The following MT1B variants were observed in gnomAD, a reference collection of about 807,000 sequenced individuals.
MT1B encodes metallothionein 1B, also known as metallothionein-1B.
Under a neutral mutation model 7.9 loss-of-function variants are expected in MT1B, and 4 were observed. That is an observed-to-expected ratio of 0.51 (90% CI 0.25 to 1.16). The LOEUF is 1.16. MT1B is among the 50% of genes most tolerant of loss of function. MT1B has a pLI of 0.15. For missense variants in MT1B, 76 were observed against 75.2 expected, an observed-to-expected ratio of 1.01 and a Z score of -0.04; for synonymous variants, 22 against 27.6, an observed-to-expected ratio of 0.80 and a Z score of 0.63.
At chr16:56,652,065 A>G in intron 1 of MT1B, 84 bp downstream of exon 1, 1 of 1,552,746 alleles carries the variant, frequency 6.4e-7, no homozygotes, top group Non-Finnish European at 8.9e-7. Context: ...AGGTTGCATT[A>G]TGAGATGTGA....
intron 2 of MT1B, among the ~76,000 whole-genome samples, 156 bp downstream of exon 2, chr16:56,652,792 G>A (rs1875233): frequency 0.46 from 70,115 of 152,078 alleles, 16,694 homozygotes; most frequent in Non-Finnish European, 0.53. Flanking sequence ...GAGCTCAGAT[G>A]GGTCAGGGCA....
Position 56,653,204 on chromosome 16 carries a change from A to G in MT1B, c.*139A>G. The G allele has an allele frequency of 1.4e-6, 1 of 735,080 alleles. No individual in the cohort carries two copies. The highest frequency in any genetic ancestry group is 2.2e-6 in the Non-Finnish European group (1 of 460,636). The allele number at this position is 735,080 out of a possible 1,614,324, so 45.5% of individuals were successfully genotyped here. On this transcript the variant is annotated 3_prime_UTR_variant, in exon 3 of 3. Transcript: ENST00000334346. Reference sequence around the variant, plus strand: ...AAGACAATAAAACACTTTTGACTTGATTCTGACTCTCCTTTTCCTTTCTGT... The same window carrying G: ...AAGACAATAAAACACTTTTGACTTGGTTCTGACTCTCCTTTTCCTTTCTGT...
chr16:56,652,768 A>G, intron 2 of MT1B, 132 bp downstream of exon 2: 1 of 1,283,298 alleles, frequency 7.8e-7, no homozygotes, highest in Non-Finnish European at 1.1e-6. Context: ...TTCCCTCTCC[A>G]GGCTTTCTGC....
intron 1 of MT1B, 113 bp from the exon 2 acceptor site, chr16:56,652,458 G>A (rs1427843768): frequency 2.0e-5 from 21 of 1,029,396 alleles, no homozygotes; most frequent in Non-Finnish European, 3.0e-5. Flanking sequence ...GAGTGGGAAA[G>A]GAGCTCTGAT....
In MT1B at chr16:56,652,632, G is replaced by A. The variant is rs1326291098; in HGVS notation, c.90G>A (p.Lys30=). ...AAGAGTGCAAATGTACCTCCTGCAA[G>A]AAGTGTGAGTGTGGGATCATCTCCA... ...KCKECKCTSC[K]KCCCSCCPVG... is the part of the protein sequence containing the mutation. The change falls in exon 2 of 3, where the codon AAG becomes AAA. Residue 30 remains lysine, a synonymous_variant. Coordinates refer to ENST00000334346, the MANE Select transcript of MT1B (RefSeq NM_005947.3). 3 of 1,613,904 alleles carry A rather than the reference G, an allele frequency of 1.9e-6. No individual in the cohort carries two copies. Among genetic ancestry groups the A allele is most frequent in the African/African-American group, 2.7e-5 (2 of 74,936 alleles).
chr16:56,652,492 C>T (rs1370102827), intron 1 of MT1B, 79 bp from the exon 2 acceptor site: 137 of 1,345,888 alleles, frequency 1.0e-4, no homozygotes, highest in East Asian at 7.0e-5. Flanking sequence ...CAGAGGATGG[C>T]GCACTGGACA....
intron 2 of MT1B, 72 bp downstream of exon 2, chr16:56,652,708 A>G: frequency 6.4e-7 from 1 of 1,569,754 alleles, no homozygotes; most frequent in South Asian, 1.1e-5. Context: ...GCTGGCCCTG[A>G]GTGCATGCTT....
In MT1B at chr16:56,653,077, C is replaced by A; in HGVS notation, c.*12C>A. ...GCTGCTGTGCCTGATGTTGGGAGAG[C>A]CCTGCTCCCAGACATAAATAGAGCA... On this transcript the variant is annotated 3_prime_UTR_variant, in exon 3 of 3. Transcript: ENST00000334346. 6.2e-7 allele frequency: 1 copy of A among 1,613,354 alleles called. No individual in the cohort carries two copies. The highest frequency in any genetic ancestry group is 8.5e-7 in the Non-Finnish European group (1 of 1,179,424).
chr16:56,652,131 G>A lies in MT1B; in HGVS notation c.28+150G>A, dbSNP rs112223139. 2,957 of 903,600 alleles carry A rather than the reference G, an allele frequency of 3.3e-3. 5 individuals carry two copies. Among genetic ancestry groups the A allele is most frequent in the Non-Finnish European group, 4.4e-3 (2,524 of 573,304 alleles). 56.0% of individuals were successfully genotyped at this position (903,600 alleles called of 1,614,324 possible). Reference sequence around the variant, plus strand: ...GCTTTCCTCTTGCCCAAGCTCCTGTGAGCATCTCCCTCCTCTGTGCTTGTA... The same window carrying A: ...GCTTTCCTCTTGCCCAAGCTCCTGTAAGCATCTCCCTCCTCTGTGCTTGTA... On this transcript the variant is annotated intron_variant, in intron 1 of 2. Transcript: ENST00000334346.
chr16:56,651,945 T>C lies in MT1B; in HGVS notation c.-9T>C. On this transcript the variant is annotated 5_prime_UTR_variant, in exon 1 of 3. Coordinates refer to ENST00000334346, the MANE Select transcript of MT1B (RefSeq NM_005947.3). ...TTGCCTAGGAACTCCAGGCTTGTCT[T>C]GGCTCCAAATGGATCCCAACTGCTC... 1 of 1,614,234 alleles carries C rather than the reference T, an allele frequency of 6.2e-7. No homozygotes were observed. The highest frequency in any genetic ancestry group is 8.5e-7 in the Non-Finnish European group (1 of 1,180,030).
chr16:56,652,443 G>A (rs140625648), intron 1 of MT1B, 128 bp from the exon 2 acceptor site: 5 of 927,770 alleles, frequency 5.4e-6, no homozygotes, highest in Non-Finnish European at 8.7e-6. Context: ...CTGTTCCTCC[G>A]CTCTGAGTGG....
In MT1B at chr16:56,653,163, T is replaced by C. The variant is rs1004868922; in HGVS notation, c.*98T>C. The C allele has an allele frequency of 2.7e-6, 3 of 1,126,356 alleles. No individual in the cohort carries two copies. Among genetic ancestry groups the C allele is most frequent in the Non-Finnish European group, 3.9e-6 (3 of 767,122 alleles). 69.8% of individuals were successfully genotyped at this position (1,126,356 alleles called of 1,614,324 possible). ...CTGACCGGTTTGCTACATTCTTTTT[T>C]CTATTCAATATGTGAAAGACAATAA... On this transcript the variant is annotated 3_prime_UTR_variant, in exon 3 of 3. Transcript: ENST00000334346.
chr16:56,652,755 T>C, intron 2 of MT1B, 119 bp downstream of exon 2: 1 of 1,336,364 alleles, frequency 7.5e-7, no homozygotes, highest in South Asian at 1.2e-5. Context: ...GTTGGCTGTG[T>C]CATTCCCTCT....
intron 1 of MT1B, among the ~76,000 whole-genome samples, 156 bp downstream of exon 1, chr16:56,652,137 C>G (rs1960562047): frequency 2.0e-5 from 3 of 152,264 alleles, no homozygotes; most frequent in Non-Finnish European, 4.4e-5. Flanking sequence ...CTGTGAGCAT[C>G]TCCCTCCTCT....
In MT1B at chr16:56,653,095, A is replaced by G. The variant is rs748152136; in HGVS notation, c.*30A>G. 7.4e-6 allele frequency: 12 copies of G among 1,611,082 alleles called. No homozygotes were observed. In the South Asian group the frequency reaches 7.7e-5, roughly 10 times the overall value. ...GGGAGAGCCCTGCTCCCAGACATAA[A>G]TAGAGCAACCAGTACTAACCTGGAT... On this transcript the variant is annotated 3_prime_UTR_variant, in exon 3 of 3. Transcript: ENST00000334346.
chr16:56,651,992 C>T lies in MT1B; in HGVS notation c.28+11C>T. The T allele has an allele frequency of 1.2e-6, 2 of 1,614,244 alleles. No individual in the cohort carries two copies. The highest frequency in any genetic ancestry group is 1.7e-6 in the Non-Finnish European group (2 of 1,180,046). On this transcript the variant is annotated intron_variant, in intron 1 of 2. Transcript: ENST00000334346. The stretch of plus-strand genomic sequence containing the variant: ...GCTCCTGCACCACAGGTAAGGGACG[C>T]CTGGCTCTGGGCCTTGAGATGCCCA...
rs567673741 is a variant in MT1B, at chr16:56,653,142, C to T, written c.*77C>T. The T allele has an allele frequency of 3.4e-5, 47 of 1,363,086 alleles. No individual in the cohort carries two copies. In the Admixed American group the frequency reaches 8.7e-4, roughly 25 times the overall value. 84.4% of individuals were successfully genotyped at this position (1,363,086 alleles called of 1,614,324 possible). On this transcript the variant is annotated 3_prime_UTR_variant, in exon 3 of 3. Coordinates refer to ENST00000334346, the MANE Select transcript of MT1B (RefSeq NM_005947.3). ...GGATTTTTTTTTTTAACTACCCTGA[C>T]CGGTTTGCTACATTCTTTTTTCTAT... is the stretch of plus-strand genomic sequence containing the variant.
chr16:56,652,111 C>T, intron 1 of MT1B, 130 bp downstream of exon 1: 1 of 1,140,366 alleles, frequency 8.8e-7, no homozygotes, highest in Non-Finnish European at 1.3e-6. Context: ...CCAGTGCTTT[C>T]CTCTTGCCCA....
rs761280985 is a variant in MT1B, at chr16:56,653,114, C to G, written c.*49C>G. The stretch of plus-strand genomic sequence containing the variant: ...ACATAAATAGAGCAACCAGTACTAA[C>G]CTGGATTTTTTTTTTTAACTACCCT... On this transcript the variant is annotated 3_prime_UTR_variant, in exon 3 of 3. Coordinates refer to ENST00000334346, the MANE Select transcript of MT1B (RefSeq NM_005947.3). 6.3e-7 allele frequency: 1 copy of G among 1,579,062 alleles called. No homozygotes were observed. Among genetic ancestry groups the G allele is most frequent in the Non-Finnish European group, 8.6e-7 (1 of 1,160,294 alleles).
Sources: allele counts gnomAD v4.1 joint callset (sites outside exome capture counted in the v4.1 genomes callset), GRCh38; gene constraint gnomAD v4.1.1; transcripts MANE v1.5; gene names NCBI Gene and HGNC (gene_info 2026-07-23, HGNC 2026-07-21).